Variants in CTNNA3 observed in about 807,000 individuals in gnomAD.
CTNNA3 encodes the protein catenin alpha 3.
CTNNA3 carries 76 observed loss-of-function variants against 95.7 expected under a neutral mutation model. That is an observed-to-expected ratio of 0.79 (90% CI 0.66 to 0.96). The LOEUF is 0.96. CTNNA3 is among the 40% of genes least tolerant of loss of function. The probability of loss-of-function intolerance (pLI) is 0.00; values close to 1 mark genes in which losing one functional copy is unlikely to be tolerated. For synonymous variants in CTNNA3, 431 were observed against 374.4 expected (o/e 1.15, Z -1.74); for missense variants, 1,191 against 1,089.8 (o/e 1.09, Z -1.31).
rs532347787 is a variant in CTNNA3, at chr10:66,202,826, C to T, written c.1884+77644G>A. Among the ~76,000 whole-genome samples, 15 of 152,222 alleles carry T rather than the reference C, an allele frequency of 9.9e-5. No individual in the cohort carries two copies. The South Asian group carries it at 1.0e-3, about 11-fold the overall frequency. Reference sequence around the variant, plus strand: ...CCCTGAGGCACATCTGCTAGTCTTACGGGTGAGATTTTAAACTCTTTTAAG... The same window carrying T: ...CCCTGAGGCACATCTGCTAGTCTTATGGGTGAGATTTTAAACTCTTTTAAG... On this transcript the variant is annotated intron_variant, in intron 13 of 17. Transcript: ENST00000433211.
intron 13 of CTNNA3, among the ~76,000 whole-genome samples, chr10:66,198,026 G>T (rs2087075280): frequency 6.6e-6 from 1 of 152,102 alleles, no homozygotes; most frequent in Admixed American, 6.6e-5. Flanking sequence ...GAAAATAAAG[G>T]CTTCATCTTT....
intron 14 of CTNNA3, among the ~76,000 whole-genome samples, chr10:66,094,028 C>T (rs2081303205): frequency 6.6e-6 from 1 of 151,966 alleles, no homozygotes; most frequent in Non-Finnish European, 1.5e-5. Flanking sequence ...GGAAATTATA[C>T]AGACACAATG....
chr10:66,773,188 G>A (rs527466324), intron 8 of CTNNA3, among the ~76,000 whole-genome samples: 10 of 152,280 alleles, frequency 6.6e-5, no homozygotes, highest in African/African-American at 2.4e-4. Context: ...GGAAGATCAT[G>A]GAGGTGTTCA....
chr10:67,102,747 T>G (rs931986652), intron 7 of CTNNA3, among the ~76,000 whole-genome samples: 1 of 151,882 alleles, frequency 6.6e-6, no homozygotes, highest in African/African-American at 2.4e-5. Context: ...TTTATCTTTT[T>G]TAAATTGATT....
chr10:66,766,440 G>T lies in CTNNA3; in HGVS notation c.1129-24C>A, dbSNP rs756322862. 8 of 1,454,702 alleles carry T rather than the reference G, an allele frequency of 5.5e-6. No homozygotes were observed. In the African/African-American group the frequency reaches 5.8e-5, roughly 10 times the overall value. 90.1% of individuals were successfully genotyped at this position (1,454,702 alleles called of 1,614,324 possible). On this transcript the variant is annotated intron_variant, in intron 8 of 17. Transcript: ENST00000433211. ...AGCTGAGAAGAAATGAAAAATTCAGGTTTTTTTTTTCCAGGAAATAGTTCA... is the reference window on the plus strand; with the variant it reads ...AGCTGAGAAGAAATGAAAAATTCAGTTTTTTTTTTTCCAGGAAATAGTTCA...
At chr10:67,115,316 G>A (rs10997516) in intron 7 of CTNNA3, among the ~76,000 whole-genome samples, 94,647 of 150,028 alleles carry the variant, frequency 0.63, 31,027 homozygotes, top group African/African-American at 0.81. Context: ...ATGTTTTTCA[G>A]TAACAGATTT....
intron 12 of CTNNA3, among the ~76,000 whole-genome samples, chr10:66,376,618 CA>C (rs1007519590): frequency 6.6e-6 from 1 of 152,018 alleles, no homozygotes; most frequent in Non-Finnish European, 1.5e-5. Flanking sequence ...TCATTTATGA[CA>C]ATACTTTAAG....
intron 17 of CTNNA3, among the ~76,000 whole-genome samples, chr10:65,953,149 A>G (rs1333776256): frequency 6.6e-6 from 1 of 152,236 alleles, no homozygotes; most frequent in African/African-American, 2.4e-5. Context: ...TACAAAATAC[A>G]ACAGTTTCCC....
chr10:67,474,784 G>A (rs1335949716), intron 5 of CTNNA3, among the ~76,000 whole-genome samples: 1 of 152,186 alleles, frequency 6.6e-6, no homozygotes. Context: ...CAAAATGCCT[G>A]TGAGGATACA....
intron 2 of CTNNA3, among the ~76,000 whole-genome samples, chr10:67,610,217 C>T (rs1398711496): frequency 1.3e-5 from 2 of 152,192 alleles, no homozygotes; most frequent in Non-Finnish European, 2.9e-5. Flanking sequence ...CATAGAATAG[C>T]CTGGGCTTTG....
chr10:66,633,371 G>T (rs746258747), intron 9 of CTNNA3, among the ~76,000 whole-genome samples: 2 of 152,154 alleles, frequency 1.3e-5, no homozygotes, highest in Non-Finnish European at 2.9e-5. Flanking sequence ...TGGAAAACAT[G>T]ATTCTATTTA....
At chr10:67,070,961 C>G (rs144872210) in intron 7 of CTNNA3, among the ~76,000 whole-genome samples, 1,552 of 152,132 alleles carry the variant, frequency 0.01, 33 homozygotes, top group African/African-American at 0.035. Flanking sequence ...TAGTGTTTAC[C>G]TGAGGAATTG....
intron 10 of CTNNA3, among the ~76,000 whole-genome samples, chr10:66,542,608 A>G (rs889751477): frequency 6.6e-6 from 1 of 152,090 alleles, no homozygotes; most frequent in Non-Finnish European, 1.5e-5. Context: ...TGAAGCTGGA[A>G]ACCATCATTC....
intron 2 of CTNNA3, among the ~76,000 whole-genome samples, chr10:67,638,289 G>T (rs975495485): frequency 6.6e-6 from 1 of 152,084 alleles, no homozygotes; most frequent in Non-Finnish European, 1.5e-5. Flanking sequence ...AATGGTAAAG[G>T]GATCAATTCA....
At chr10:67,030,422 G>T (rs1483060690) in intron 7 of CTNNA3, among the ~76,000 whole-genome samples, 2 of 151,990 alleles carry the variant, frequency 1.3e-5, no homozygotes, top group African/African-American at 4.8e-5. Context: ...TTTAGGCCCT[G>T]TTGTGAATTA....
intron 7 of CTNNA3, among the ~76,000 whole-genome samples, chr10:66,784,331 A>T (rs973838993): frequency 3.3e-5 from 5 of 152,156 alleles, no homozygotes; most frequent in African/African-American, 1.2e-4. Context: ...TTTTCTTTAC[A>T]ATAGGATGCA....
At position 66,196,865 on chromosome 10, in the gene CTNNA3, C is replaced by T. The variant is rs141298596; in HGVS notation, c.1884+83605G>A. ...GTAGATTCAGCTGCAGTGGTGACAC[C>T]AGCAACCAGGATCCTCCATGAGCTA... On this transcript the variant is annotated intron_variant, in intron 13 of 17. Coordinates refer to ENST00000433211, the MANE Select transcript of CTNNA3 (RefSeq NM_013266.4). Among the ~76,000 whole-genome samples the T allele has an allele frequency of 1.9e-3, 289 of 152,268 alleles. 1 individual carries two copies. Among genetic ancestry groups the T allele is most frequent in the Middle Eastern group, 3.4e-3 (1 of 294 alleles).
At chr10:67,111,013 G>C (rs972236927) in intron 7 of CTNNA3, among the ~76,000 whole-genome samples, 27 of 152,106 alleles carry the variant, frequency 1.8e-4, no homozygotes, top group Non-Finnish European at 4.0e-4. Context: ...CTTGGTGAGG[G>C]AGTAAGCGAA....
At chr10:67,647,580 T>C (rs1345050075) in intron 1 of CTNNA3, 62 bp from the exon 2 acceptor site, 9 of 1,352,950 alleles carry the variant, frequency 6.7e-6, no homozygotes, top group Non-Finnish European at 9.4e-6. Flanking sequence ...AGAAGAACAC[T>C]TATGAAATCA....
Sources: allele counts gnomAD v4.1 joint callset (sites outside exome capture counted in the v4.1 genomes callset), GRCh38; gene constraint gnomAD v4.1.1; transcripts MANE v1.5; gene names NCBI Gene and HGNC (gene_info 2026-07-23, HGNC 2026-07-21).